The following CSRNP2 variants were observed in gnomAD, a reference collection of about 807,000 sequenced individuals.
CSRNP2 encodes the protein cysteine and serine rich nuclear protein 2.
CSRNP2 carries 11 observed loss-of-function variants against 36.6 expected under a neutral mutation model. The observed-to-expected ratio is 0.30, with a 90% CI of 0.19 to 0.50. The LOEUF (loss-of-function observed/expected upper bound fraction) is 0.50. Ranked by LOEUF, CSRNP2 falls within the 20% of genes least tolerant of loss-of-function variation. CSRNP2 has a pLI of 0.98. For synonymous variants in CSRNP2, 248 were observed against 275.3 expected (o/e 0.90, Z 0.98); for missense variants, 483 against 691.4 (o/e 0.70, Z 3.38).
chr12:51,076,492 T>G lies in CSRNP2; in HGVS notation c.70A>C (p.Asn24His), dbSNP rs1470105522. The G allele has an allele frequency of 6.8e-6, 11 of 1,613,902 alleles. No homozygotes were observed. Among genetic ancestry groups the G allele is most frequent in the Non-Finnish European group, 9.3e-6 (11 of 1,180,008 alleles). The change falls in exon 2 of 5, where the codon AAC (asparagine) becomes CAC (histidine). Residue 24 changes from asparagine to histidine, a missense_variant. By Grantham distance (68) the Asn-to-His change is moderately conservative. This residue lies in a region of CSRNP2 where 206 missense variants were observed against 367.8 expected (regional missense o/e 0.56). Coordinates refer to ENST00000228515, the MANE Select transcript of CSRNP2 (RefSeq NM_030809.3). ...CTGCTGGAGATCTCATCATCTGAGT[T>G]GGAAACTGATGAGCCCACATCCACA... ...DDVDVGSSVS[N>H]SDDEISSSDS...
intron 3 of CSRNP2, among the ~76,000 whole-genome samples, chr12:51,072,634 CCTCTCT>C (rs200953906): frequency 8.0e-4 from 71 of 88,358 alleles, no homozygotes; most frequent in Admixed American, 1.4e-3. Context: ...CTTTTCCCAG[CCTCTCT>C]CTCTCGAAGA....
intron 3 of CSRNP2, 25 bp downstream of exon 3, chr12:51,073,798 A>G (rs1462747814): frequency 5.0e-6 from 8 of 1,603,212 alleles, no homozygotes; most frequent in Non-Finnish European, 5.1e-6. Flanking sequence ...CATGGACAGC[A>G]GTAGATCCCA....
At position 51,064,688 on chromosome 12, in the gene CSRNP2, G is replaced by A. The variant is rs373134162; in HGVS notation, c.709-19C>T. On this transcript the variant is annotated intron_variant, in intron 4 of 4. Transcript: ENST00000228515. ...GATCCACCTGAGCGGGGACAAGAAG[G>A]TTGGGGCAAGATGAGACCTACAATC... The A allele has an allele frequency of 1.1e-5, 16 of 1,500,628 alleles. No homozygotes were observed. In the African/African-American group the frequency reaches 2.0e-4, roughly 18 times the overall value. 93.0% of individuals were successfully genotyped at this position (1,500,628 alleles called of 1,614,324 possible).
rs973945095 is a variant in CSRNP2, at chr12:51,062,790, C to T, written c.*956G>A. The T allele has an allele frequency of 6.6e-6, 1 of 152,328 alleles. No homozygotes were observed. The highest frequency in any genetic ancestry group is 2.4e-5 in the African/African-American group (1 of 41,438). 9.4% of individuals were successfully genotyped at this position (152,328 alleles called of 1,614,324 possible). A position where few individuals can be genotyped will look rare whatever the true frequency, so the allele number is the denominator to read the frequency against. ...CTACATTCCACTAAAGCTCAGATCT[C>T]ACAAAGAGGGAAAAACCTGGGTGAA... On this transcript the variant is annotated 3_prime_UTR_variant, in exon 5 of 5. Coordinates refer to ENST00000228515, the MANE Select transcript of CSRNP2 (RefSeq NM_030809.3).
Position 51,067,718 on chromosome 12 carries a change from A to G in CSRNP2, c.663T>C (p.Cys221=). The change falls in exon 4 of 5, where the codon TGT becomes TGC. Residue 221 remains cysteine (C), a synonymous_variant. Transcript: ENST00000228515. The surrounding 1 kb of genome is among the most constrained non-coding windows in gnomAD (Gnocchi z 4.1). ...GGCTGCAGGCACACGCTTCTGGGTC[A>G]CAATACAGTCGGCAGTCACAACCAC... The part of the protein sequence containing the change: ...EECGCDCRLY[C]DPEACACSQA... The G allele has an allele frequency of 2.5e-6, 4 of 1,614,188 alleles. No individual in the cohort carries two copies. Among genetic ancestry groups the G allele is most frequent in the Non-Finnish European group, 3.4e-6 (4 of 1,180,038 alleles).
intron 2 of CSRNP2, among the ~76,000 whole-genome samples, chr12:51,075,294 T>C (rs1477597496): frequency 3.9e-5 from 6 of 151,930 alleles, no homozygotes; most frequent in African/African-American, 7.2e-5. Flanking sequence ...GTATTTTTTG[T>C]AGAGACGAGG....
intron 3 of CSRNP2, among the ~76,000 whole-genome samples, chr12:51,069,762 G>A (rs1471537078): frequency 6.8e-6 from 1 of 147,758 alleles, no homozygotes; most frequent in African/African-American, 2.6e-5. Flanking sequence ...CTGCAATCTC[G>A]GCTCACTGCA....
intron 2 of CSRNP2, among the ~76,000 whole-genome samples, chr12:51,074,591 C>G (rs1165939269): frequency 6.6e-6 from 1 of 152,160 alleles, no homozygotes; most frequent in Non-Finnish European, 1.5e-5. Flanking sequence ...CTGGTTCATA[C>G]AACTGCCTCC....
chr12:51,069,111 G>T (rs1938749477), intron 3 of CSRNP2, among the ~76,000 whole-genome samples: 1 of 151,426 alleles, frequency 6.6e-6, no homozygotes, highest in Non-Finnish European at 1.5e-5. Flanking sequence ...GAGTAGCTGG[G>T]ACTACAGGCA....
intron 1 of CSRNP2, chr12:51,076,912 C>T (rs1230912578): frequency 1.0e-5 from 2 of 195,164 alleles, no homozygotes; most frequent in Non-Finnish European, 2.1e-5. Context: ...TCCAATCCAG[C>T]TGGGGTCTAG....
chr12:51,064,699 A>T (rs377430706), intron 4 of CSRNP2, 30 bp from the exon 5 acceptor site: 4 of 1,493,216 alleles, frequency 2.7e-6, no homozygotes, highest in African/African-American at 1.4e-5. Context: ...TTGGGGCAAG[A>T]TGAGACCTAC....
intron 3 of CSRNP2, among the ~76,000 whole-genome samples, chr12:51,069,380 G>A (rs1457546266): frequency 6.8e-6 from 1 of 146,684 alleles, no homozygotes; most frequent in East Asian, 2.0e-4. Context: ...TCTGCCTCCT[G>A]GGTTCAAGTG....
In CSRNP2 at chr12:51,071,027, C is replaced by T. The variant is rs576493487; in HGVS notation, c.411+2796G>A. Reference sequence around the variant, plus strand: ...CTGTAATCCCAGCACTTTGGGAGGCCGAGGCGGGTGGATCACTTGAGGCCA... The same window carrying T: ...CTGTAATCCCAGCACTTTGGGAGGCTGAGGCGGGTGGATCACTTGAGGCCA... On this transcript the variant is annotated intron_variant, in intron 3 of 4. Transcript: ENST00000228515. 5.3e-5 allele frequency among the ~76,000 whole-genome samples: 8 copies of T among 152,014 alleles called. No individual in the cohort carries two copies. The South Asian group carries it at 6.2e-4, about 12-fold the overall frequency.
intron 2 of CSRNP2, among the ~76,000 whole-genome samples, chr12:51,074,699 C>T (rs1939321410): frequency 6.6e-6 from 1 of 152,162 alleles, no homozygotes; most frequent in African/African-American, 2.4e-5. Context: ...TAAGAATCTA[C>T]AGCTTTACTG....
At chr12:51,073,779 G>C (rs756203931) in intron 3 of CSRNP2, 44 bp downstream of exon 3, 5 of 1,560,820 alleles carry the variant, frequency 3.2e-6, no homozygotes, top group Non-Finnish European at 4.3e-6. Flanking sequence ...GAACCTAAAT[G>C]GTTTCCTACA....
At chr12:51,070,432 G>A (rs973789564) in intron 3 of CSRNP2, among the ~76,000 whole-genome samples, 1 of 152,082 alleles carries the variant, frequency 6.6e-6, no homozygotes. Context: ...CATCTCCAGG[G>A]TTGACCTCCC....
At chr12:51,079,559 C>T (rs796451286) in intron 1 of CSRNP2, among the ~76,000 whole-genome samples, 61 of 143,660 alleles carry the variant, frequency 4.2e-4, no homozygotes, top group African/African-American at 1.5e-3. Flanking sequence ...GGCTGGAGTT[C>T]GAGACCAGCC....
rs374077510 is a variant in CSRNP2 at position 51,067,802 on chromosome 12, G to A, written c.579C>T (p.His193=). 1.3e-5 allele frequency: 21 copies of A among 1,614,116 alleles called. No homozygotes were observed. Among genetic ancestry groups the A allele is most frequent in the African/African-American group, 4.0e-5 (3 of 74,942 alleles). Residue 193 remains histidine (H), a synonymous_variant, in exon 4 of 5, where the codon CAC becomes CAT. Coordinates refer to ENST00000228515, the MANE Select transcript of CSRNP2 (RefSeq NM_030809.3). This position sits in a 1 kb window ranked among gnomAD's most constrained non-coding sequence, Gnocchi z 4.1. The part of the protein sequence containing the change: ...RRALLRASGV[H]RIDAEEKQEL... ...CTTGCTTCTCTTCAGCATCAATACGGTGGACCCCAGAAGCCCTCAGCAGGG... is the reference window on the plus strand; with the variant it reads ...CTTGCTTCTCTTCAGCATCAATACGATGGACCCCAGAAGCCCTCAGCAGGG...
At chr12:51,068,473 G>A (rs574465475) in intron 3 of CSRNP2, among the ~76,000 whole-genome samples, 1 of 152,270 alleles carries the variant, frequency 6.6e-6, no homozygotes, top group South Asian at 2.1e-4. Flanking sequence ...AGCCGTATGT[G>A]ACTACTGGCT....
Sources: gnomAD v4.1 joint callset for allele counts (sites outside exome capture counted in the v4.1 genomes callset) on GRCh38, gnomAD v4.1.1 for gene constraint, gnomAD v4.1.1 regional missense constraint, Gnocchi (gnomAD v3.1) non-coding constraint, MANE v1.5 for transcripts, NCBI Gene and HGNC (gene_info 2026-07-23, HGNC 2026-07-21) for gene names.